Variants in MECOM observed in about 807,000 individuals in gnomAD.
The protein encoded by MECOM is MDS1 and EVI1 complex locus.
Under a neutral mutation model 116.3 loss-of-function variants are expected in MECOM, and 13 were observed. The observed-to-expected ratio is 0.11, with a 90% CI of 0.07 to 0.18. The LOEUF is 0.18. MECOM is among the 10% of genes least tolerant of loss of function. The probability of loss-of-function intolerance (pLI) is 1.00; values close to 1 mark genes in which losing one functional copy is unlikely to be tolerated. For missense variants in MECOM, 1,299 were observed against 1,509.0 expected (o/e 0.86, Z 2.31); for synonymous variants, 528 against 535.2 (o/e 0.99, Z 0.19).
intron 1 of MECOM, among the ~76,000 whole-genome samples, chr3:169,397,370 G>A (rs1315286121): frequency 2.0e-5 from 3 of 152,186 alleles, no homozygotes; most frequent in Non-Finnish European, 4.4e-5. Flanking sequence ...AATGAACAAT[G>A]AGCAATATTT....
Position 169,507,650 on chromosome 3 carries a change from C to CTTTTTTTTT in MECOM, c.38-126135_38-126127dup, listed in dbSNP as rs1165167849. Among the ~76,000 whole-genome samples, 223 of 57,136 alleles carry CTTTTTTTTT rather than the reference C, an allele frequency of 3.9e-3. 40 individuals carry two copies. The highest frequency in any genetic ancestry group is 0.015 in the African/African-American group (179 of 12,232). 37.5% of individuals were successfully genotyped at this position (57,136 alleles called of 152,430 possible). On this transcript the variant is annotated intron_variant, in intron 1 of 16. Coordinates refer to ENST00000651503, the MANE Select transcript of MECOM (RefSeq NM_004991.4). ...CAATTTTGGTTTAAATCCCCACTTGCTTTTTTTTTTTTTTTTTTTTTTTTT... is the reference window on the plus strand; with the variant it reads ...CAATTTTGGTTTAAATCCCCACTTGCTTTTTTTTTTTTTTTTTTTTTTTTTTTTTTTTTT...
chr3:169,293,101 AT>A (rs1192537792), intron 2 of MECOM, among the ~76,000 whole-genome samples: 1 of 152,216 alleles, frequency 6.6e-6, no homozygotes. Flanking sequence ...TGTCTTTTAA[AT>A]ACCTATCGCA....
intron 1 of MECOM, among the ~76,000 whole-genome samples, chr3:169,558,437 C>T (rs12633194): frequency 0.22 from 33,565 of 152,042 alleles, 4,728 homozygotes; most frequent in East Asian, 0.7. Context: ...CTCTTTCGGA[C>T]CCCAAGGCAT....
rs1247859804 is a variant in MECOM, at chr3:169,115,971, T to C, written c.1901A>G (p.Asn634Ser). Residue 634 changes from asparagine to serine, a missense_variant, in exon 8 of 17, where the codon AAT becomes AGT. By Grantham distance (46) the Asn-to-Ser change is conservative (BLOSUM62 1). Around this residue, in one of 6 missense-constraint regions of MECOM, gnomAD observed 238 missense variants for 273.1 expected, o/e 0.87. Coordinates refer to ENST00000651503, the MANE Select transcript of MECOM (RefSeq NM_004991.4). The stretch of plus-strand genomic sequence containing the variant: ...GGAATGATTGCTGTATTCTTTCTTA[T>C]TATTTATTGAAGCCAGATTCTGAAG... ...SPLQNLASIN[N>S]KKEYSNHSIF... 6.2e-7 allele frequency: 1 copy of C among 1,614,192 alleles called. No individual in the cohort carries two copies.
intron 2 of MECOM, among the ~76,000 whole-genome samples, chr3:169,265,489 T>C (rs1049306996): frequency 6.6e-6 from 1 of 152,212 alleles, no homozygotes; most frequent in African/African-American, 2.4e-5. Flanking sequence ...ATTTTTAAAA[T>C]AGTGAGAGAG....
At chr3:169,462,918 C>A (rs974972402) in intron 1 of MECOM, among the ~76,000 whole-genome samples, 91 of 152,138 alleles carry the variant, frequency 6.0e-4, no homozygotes, top group African/African-American at 2.1e-3. Flanking sequence ...AGAACAACCT[C>A]ATGTAAGAAA....
At chr3:169,459,311 T>C (rs944372215) in intron 1 of MECOM, among the ~76,000 whole-genome samples, 1 of 152,232 alleles carries the variant, frequency 6.6e-6, no homozygotes, top group African/African-American at 2.4e-5. Flanking sequence ...AAGCAGTTAC[T>C]ATGAAACTAT....
chr3:169,089,024 C>T lies in MECOM; in HGVS notation c.3561G>A (p.Pro1187=), dbSNP rs79855280. The change falls in exon 16 of 17, where the codon CCG becomes CCA. Residue 1187 remains proline (P), a synonymous_variant. Coordinates refer to ENST00000651503, the MANE Select transcript of MECOM (RefSeq NM_004991.4). The part of the protein sequence containing the change: ...TSHVPEELKQ[P]LHRKSKSQAY... Reference sequence around the variant, plus strand: ...CCTGCGATTTGGACTTTCTGTGTAACGGCTGCTTAAGTTCCTCTGGCACAT... The same window carrying T: ...CCTGCGATTTGGACTTTCTGTGTAATGGCTGCTTAAGTTCCTCTGGCACAT... 5.6e-5 allele frequency: 89 copies of T among 1,600,688 alleles called. No individual in the cohort carries two copies. The African/African-American group carries it at 7.7e-4, about 14-fold the overall frequency.
At chr3:169,271,544 G>A (rs1758941956) in intron 2 of MECOM, among the ~76,000 whole-genome samples, 1 of 152,062 alleles carries the variant, frequency 6.6e-6, no homozygotes, top group South Asian at 2.1e-4. Flanking sequence ...TCACTCATAG[G>A]TGGGAGCTGA....
intron 1 of MECOM, among the ~76,000 whole-genome samples, chr3:169,485,946 T>TAAATATAGTATACATATGTAC (rs1752196167): frequency 1.2e-5 from 1 of 86,790 alleles, no homozygotes; most frequent in Admixed American, 1.3e-4. Flanking sequence ...TATATGTATG[T>TAAATATAGTATACATATGTAC]ATATATGTAC....
At chr3:169,365,177 A>G (rs1438389692) in intron 2 of MECOM, among the ~76,000 whole-genome samples, 1 of 151,946 alleles carries the variant, frequency 6.6e-6, no homozygotes, top group Non-Finnish European at 1.5e-5. Context: ...TAAGGGTTTT[A>G]TCTTATTTAT....
intron 2 of MECOM, among the ~76,000 whole-genome samples, chr3:169,223,407 T>A (rs534120312): frequency 6.6e-6 from 1 of 151,276 alleles, no homozygotes; most frequent in Admixed American, 6.6e-5. Flanking sequence ...GTCCTTGTGA[T>A]AGTTTGCTCA....
At chr3:169,203,566 T>C (rs1408546545) in intron 2 of MECOM, among the ~76,000 whole-genome samples, 1 of 152,162 alleles carries the variant, frequency 6.6e-6, no homozygotes, top group African/African-American at 2.4e-5. Context: ...CACTGTATGA[T>C]TATAATAATC....
rs770720558 is a variant in MECOM, at chr3:169,084,985, C to A, written c.3644G>T (p.Ser1215Ile). 1.2e-5 allele frequency: 20 copies of A among 1,613,992 alleles called. No individual in the cohort carries two copies. The highest frequency in any genetic ancestry group is 1.6e-5 in the Non-Finnish European group (19 of 1,179,998). ...DKESLHSTSHSSSNVWHSMAR... is the reference protein window; with the variant it reads ...DKESLHSTSHISSNVWHSMAR... ...CATACTGTGCCACACGTTGGAAGAA[C>A]TGTGGGATGTAGAATGGAGGGACTC... The change falls in exon 17 of 17, where the codon AGT becomes ATT. Residue 1215 changes from serine (S) to isoleucine (I), a missense_variant. Ser to Ile is a moderately radical substitution (Grantham distance 142). Around this residue, in one of 6 missense-constraint regions of MECOM, gnomAD observed 273 missense variants for 289.3 expected, o/e 0.94. Transcript: ENST00000651503.
At chr3:169,552,562 G>A (rs541217788) in intron 1 of MECOM, among the ~76,000 whole-genome samples, 10 of 152,254 alleles carry the variant, frequency 6.6e-5, no homozygotes, top group African/African-American at 2.2e-4. Flanking sequence ...AGGAAACTGA[G>A]GCACAGAGAG....
In MECOM at chr3:169,663,705, A is replaced by G. The variant is rs920083404; in HGVS notation, c.-333T>C. The G allele has an allele frequency of 8.9e-6, 3 of 336,794 alleles. No individual in the cohort carries two copies. Among genetic ancestry groups the G allele is most frequent in the African/African-American group, 4.2e-5 (2 of 47,554 alleles). 20.9% of individuals were successfully genotyped at this position (336,794 alleles called of 1,614,324 possible). On this transcript the variant is annotated 5_prime_UTR_variant, in exon 1 of 17. The change abolishes an upstream ATG in the 5' untranslated region. Transcript: ENST00000651503. ...CATGCGCGCTAGACGCCCCTCCAAC[A>G]TCTCAGCGCCGCCAAAAAAAGTTTG...
chr3:169,537,156 C>T (rs949160173), intron 1 of MECOM, among the ~76,000 whole-genome samples: 5 of 152,154 alleles, frequency 3.3e-5, no homozygotes, highest in African/African-American at 1.2e-4. Context: ...AAGAACTGTT[C>T]AAACTTTACC....
chr3:169,389,140 A>G (rs9858375), intron 1 of MECOM, among the ~76,000 whole-genome samples: 9,367 of 152,326 alleles, frequency 0.061, 664 homozygotes, highest in African/African-American at 0.17. Flanking sequence ...CACTAAATAA[A>G]TATGATTTGG....
At chr3:169,654,713 G>A (rs200160753) in intron 1 of MECOM, among the ~76,000 whole-genome samples, 1 of 151,962 alleles carries the variant, frequency 6.6e-6, no homozygotes, top group East Asian at 1.9e-4. Flanking sequence ...ATGATGAAAC[G>A]GCATGGAGGG....
Sources: allele counts gnomAD v4.1 joint callset (sites outside exome capture counted in the v4.1 genomes callset), GRCh38; gene constraint gnomAD v4.1.1; regional missense constraint gnomAD v4.1.1; transcripts MANE v1.5; gene names NCBI Gene and HGNC (gene_info 2026-07-23, HGNC 2026-07-21).